The following ACSM1 variants were observed in gnomAD, a reference collection of about 807,000 sequenced individuals.
ACSM1 encodes the protein acyl-coenzyme A synthetase ACSM1, mitochondrial.
In ACSM1, 79 loss-of-function variants were observed where a neutral mutation model predicts 75.8. That is an observed-to-expected ratio of 1.04 (90% CI 0.87 to 1.26). The LOEUF (loss-of-function observed/expected upper bound fraction) is 1.26, where lower values mean the gene tolerates loss of function less well. Ranked by LOEUF, ACSM1 falls within the 50% of genes most tolerant of loss-of-function variation. The probability of loss-of-function intolerance (pLI) is 0.00; values close to 1 mark genes in which losing one functional copy is unlikely to be tolerated. For synonymous variants in ACSM1, 279 were observed against 265.8 expected, an observed-to-expected ratio of 1.05 and a Z score of -0.48; for missense variants, 676 against 720.1, an observed-to-expected ratio of 0.94 and a Z score of 0.70.
At chr16:20,681,479 C>G (rs1265319847) in intron 4 of ACSM1, 1 of 152,180 alleles carries the variant, frequency 6.6e-6, no homozygotes, top group African/African-American at 2.4e-5. Flanking sequence ...ATTCAAAACC[C>G]TCACTGGTGG....
intron 8 of ACSM1, among the ~76,000 whole-genome samples, chr16:20,638,028 T>A (rs943417182): frequency 1.3e-5 from 2 of 152,202 alleles, no homozygotes; most frequent in Admixed American, 6.5e-5. Flanking sequence ...CTTGTGCTGT[T>A]CTCTCTGTTA....
At chr16:20,646,254 A>AGGCCTCCTCCTAGCAGC (rs1421828960) in intron 7 of ACSM1, among the ~76,000 whole-genome samples, 1 of 152,208 alleles carries the variant, frequency 6.6e-6, no homozygotes, top group Non-Finnish European at 1.5e-5. Context: ...GGACACTTTT[A>AGGCCTCCTCCTAGCAGC]AAAAGATTGT....
intron 7 of ACSM1, among the ~76,000 whole-genome samples, chr16:20,643,463 T>A (rs13330264): frequency 0.016 from 2,508 of 152,304 alleles, 57 homozygotes; most frequent in African/African-American, 0.057. Context: ...GTGTTACAGC[T>A]CTTAAAAGTG....
rs1227363377 is a variant in ACSM1, at chr16:20,648,369, T to C, written c.993-7785A>G. 2.6e-5 allele frequency among the ~76,000 whole-genome samples: 4 copies of C among 152,196 alleles called. No individual in the cohort carries two copies. Among genetic ancestry groups the C allele is most frequent in the Non-Finnish European group, 2.9e-5 (2 of 68,038 alleles). ...CCTGTTTCTGGCCATGCTCTCAGTC[T>C]GCATTCTTTACTGTAGCCTCAGGAT... On this transcript the variant is annotated intron_variant, in intron 7 of 13. Transcript: ENST00000520010. This position sits in a 1 kb window ranked among gnomAD's most constrained non-coding sequence, Gnocchi z 4.2.
intron 6 of ACSM1, among the ~76,000 whole-genome samples, chr16:20,662,132 A>C (rs1280153313): frequency 6.6e-6 from 1 of 152,204 alleles, no homozygotes; most frequent in Non-Finnish European, 1.5e-5. Flanking sequence ...TCGAATGATA[A>C]GGCAGAAGTG....
At chr16:20,697,280 C>G (rs1331981445) in intron 1 of ACSM1, among the ~76,000 whole-genome samples, 1 of 152,084 alleles carries the variant, frequency 6.6e-6, no homozygotes, top group Non-Finnish European at 1.5e-5. Flanking sequence ...AGTGAGCCAA[C>G]TTCTGCATAG....
At chr16:20,637,015 GC>G in intron 9 of ACSM1, 175 bp from the exon 10 acceptor site, 1 of 689,988 alleles carries the variant, frequency 1.4e-6, no homozygotes, top group Non-Finnish European at 2.6e-6. Flanking sequence ...TGAAACTCAA[GC>G]CAAGGGTCTA....
intron 7 of ACSM1, among the ~76,000 whole-genome samples, chr16:20,655,069 T>C (rs962871452): frequency 6.6e-5 from 10 of 151,872 alleles, no homozygotes; most frequent in African/African-American, 1.5e-4. Flanking sequence ...TATGCAGCCA[T>C]AAAAAATGAT....
intron 6 of ACSM1, among the ~76,000 whole-genome samples, chr16:20,663,889 C>A (rs2019426035): frequency 6.6e-6 from 1 of 152,112 alleles, no homozygotes; most frequent in African/African-American, 2.4e-5. Flanking sequence ...GGGAGCTCTG[C>A]TTAGTAGGTA....
chr16:20,671,277 C>T (rs1480780676), intron 5 of ACSM1, among the ~76,000 whole-genome samples: 1 of 152,128 alleles, frequency 6.6e-6, no homozygotes, highest in African/African-American at 2.4e-5. Context: ...TATGAAGATG[C>T]TCTGGTAAAA....
rs115973669 is a variant in ACSM1 at position 20,697,326 on chromosome 16, T to C, written c.-52+310A>G. 8.4e-3 allele frequency among the ~76,000 whole-genome samples: 1,281 copies of C among 152,220 alleles called. 17 individuals carry two copies. The highest frequency in any genetic ancestry group is 0.028 in the African/African-American group (1,166 of 41,524). On this transcript the variant is annotated intron_variant, in intron 1 of 13. Transcript: ENST00000520010. The stretch of plus-strand genomic sequence containing the variant: ...TTTCCTTCAAACATTCATCTCTGAC[T>C]TTGTGCCTGTCTCCCACGGCTCACC...
intron 7 of ACSM1, among the ~76,000 whole-genome samples, chr16:20,657,607 T>TG (rs112738881): frequency 1.4e-5 from 2 of 142,104 alleles, no homozygotes; most frequent in African/African-American, 5.9e-5. Flanking sequence ...CTGTGCCCAA[T>TG]GTTTTTTTTT....
At chr16:20,685,437 G>A in intron 2 of ACSM1, 34 bp from the exon 3 acceptor site, 1 of 1,601,694 alleles carries the variant, frequency 6.2e-7, no homozygotes, top group Non-Finnish European at 8.6e-7. Flanking sequence ...GTTATTTTCT[G>A]CTTCAAAGAA....
At chr16:20,625,650 A>G in intron 11 of ACSM1, 128 bp from the exon 12 acceptor site, 1 of 760,824 alleles carries the variant, frequency 1.3e-6, no homozygotes, top group Non-Finnish European at 2.1e-6. Flanking sequence ...GGGACCCCTG[A>G]CTTGTCTGTG....
At chr16:20,657,521 C>T (rs1170608572) in intron 7 of ACSM1, among the ~76,000 whole-genome samples, 1 of 152,108 alleles carries the variant, frequency 6.6e-6, no homozygotes, top group African/African-American at 2.4e-5. Context: ...GTTGGCCAGG[C>T]TGGTCTCAAA....
At chr16:20,644,267 G>C (rs1038054892) in intron 7 of ACSM1, among the ~76,000 whole-genome samples, 1 of 152,186 alleles carries the variant, frequency 6.6e-6, no homozygotes, top group Admixed American at 6.5e-5. Context: ...AAATAACTTA[G>C]AAGAAACCTA....
At chr16:20,636,934 G>T in intron 9 of ACSM1, 94 bp from the exon 10 acceptor site, 1 of 850,530 alleles carries the variant, frequency 1.2e-6, no homozygotes, top group Non-Finnish European at 2.0e-6. Flanking sequence ...GGACACCAGT[G>T]TGGATGAAAT....
intron 10 of ACSM1, among the ~76,000 whole-genome samples, chr16:20,629,765 G>A (rs867444370): frequency 6.6e-5 from 10 of 152,154 alleles, no homozygotes; most frequent in Middle Eastern, 3.4e-3. Flanking sequence ...AGGCTGAGGC[G>A]GGTGGATCAT....
At chr16:20,644,010 T>C (rs1020953783) in intron 7 of ACSM1, among the ~76,000 whole-genome samples, 3 of 152,150 alleles carry the variant, frequency 2.0e-5, no homozygotes, top group African/African-American at 7.2e-5. Flanking sequence ...TTTTACAGAG[T>C]GCTGATTGGT....
Sources: allele counts gnomAD v4.1 joint callset (sites outside exome capture counted in the v4.1 genomes callset), GRCh38; gene constraint gnomAD v4.1.1; non-coding constraint Gnocchi (gnomAD v3.1); transcripts MANE v1.5; gene names NCBI Gene and HGNC (gene_info 2026-07-23, HGNC 2026-07-21).